Variants in HCLS1 observed in about 807,000 individuals in gnomAD.
HCLS1 encodes the protein hematopoietic lineage cell-specific protein.
Under a neutral mutation model 68.6 loss-of-function variants are expected in HCLS1, and 44 were observed. The observed-to-expected ratio is 0.64, with a 90% CI of 0.50 to 0.82. The LOEUF (loss-of-function observed/expected upper bound fraction) is 0.82, where lower values mean the gene tolerates loss of function less well. Among genes scored for constraint, HCLS1 ranks in the 40% least tolerant of loss-of-function variants. The pLI, the probability that HCLS1 is intolerant of heterozygous loss-of-function variation, is 0.00. For missense variants in HCLS1, 602 were observed against 612.1 expected, an observed-to-expected ratio of 0.98 and a Z score of 0.17; for synonymous variants, 217 against 225.8, an observed-to-expected ratio of 0.96 and a Z score of 0.35.
chr3:121,634,337 G>A lies in HCLS1; in HGVS notation c.773C>T (p.Ala258Val), dbSNP rs1382291106. ...EKRKREEEEKAQQVARRQQER... is the reference protein window; with the variant it reads ...EKRKREEEEKVQQVARRQQER... ...CTGTTGCCTCCTGGCCACCTGCTGT[G>A]CCTTCTCCTCTTCCTCTCGCTTCCT... Residue 258 changes from alanine to valine, a missense_variant, in exon 10 of 14, where the codon GCA becomes GTA. Coordinates refer to ENST00000314583, the MANE Select transcript of HCLS1 (RefSeq NM_005335.6). 3 of 1,614,060 alleles carry A rather than the reference G, an allele frequency of 1.9e-6. No homozygotes were observed. Among genetic ancestry groups the A allele is most frequent in the South Asian group, 2.2e-5 (2 of 91,076 alleles).
Position 121,639,976 on chromosome 3 carries a change from A to G in HCLS1, c.455-2720T>C, listed in dbSNP as rs895619542. 3.3e-5 allele frequency among the ~76,000 whole-genome samples: 5 copies of G among 152,336 alleles called. No homozygotes were observed. The East Asian group carries it at 9.6e-4, about 29-fold the overall frequency. ...TAATAGAGAAAATTAGCAAAGCCAAAAGCTTGTTCTTTGGAAAGAGTAATA... is the reference window on the plus strand; with the variant it reads ...TAATAGAGAAAATTAGCAAAGCCAAGAGCTTGTTCTTTGGAAAGAGTAATA... On this transcript the variant is annotated intron_variant, in intron 6 of 13. Transcript: ENST00000314583.
chr3:121,639,010 AACACACACACACACGCACAC>A (rs1203394733), intron 6 of HCLS1, among the ~76,000 whole-genome samples: 3 of 149,286 alleles, frequency 2.0e-5, no homozygotes, highest in African/African-American at 7.4e-5. Context: ...GCAAGACTCC[AACACACACACACACGCACAC>A]ACACACACAC....
At chr3:121,632,994 ACC>A (rs2049114525) in intron 11 of HCLS1, 71 bp downstream of exon 11, 1 of 1,054,388 alleles carries the variant, frequency 9.5e-7, no homozygotes, top group South Asian at 1.4e-5. Flanking sequence ...ATGGTTGGCC[ACC>A]CTGCACAGCC....
chr3:121,643,302 T>A (rs2049217833), intron 5 of HCLS1: 1 of 220,964 alleles, frequency 4.5e-6, no homozygotes, highest in South Asian at 9.0e-5. Flanking sequence ...CTTATCTACC[T>A]CGACTGTAAA....
In HCLS1 at chr3:121,637,281, G is replaced by A. The variant is rs767446803; in HGVS notation, c.455-25C>T. 9.2e-6 allele frequency: 14 copies of A among 1,515,290 alleles called. No individual in the cohort carries two copies. In the South Asian group the frequency reaches 1.5e-4, roughly 16 times the overall value. 93.9% of individuals were successfully genotyped at this position (1,515,290 alleles called of 1,614,324 possible). A position where few individuals can be genotyped will look rare whatever the true frequency, so the allele number is the denominator to read the frequency against. On this transcript the variant is annotated intron_variant, in intron 6 of 13. Transcript: ENST00000314583. ...TCTGTGGTCGAAGGAGCAGTCATGA[G>A]AGCCCACCCTTAGGCTCCAGCACAC...
At position 121,636,340 on chromosome 3, in the gene HCLS1, C is replaced by T. The variant is rs1305482562; in HGVS notation, c.621+94G>A. The T allele has an allele frequency of 3.0e-6, 3 of 1,001,566 alleles. No homozygotes were observed. In the South Asian group the frequency reaches 3.9e-5, roughly 13 times the overall value. The allele number at this position is 1,001,566 out of a possible 1,614,324, so 62.0% of individuals were successfully genotyped here. A position where few individuals can be genotyped will look rare whatever the true frequency, so the allele number is the denominator to read the frequency against. ...GGCTCTGTGTGCCCAGCACCACCGT[C>T]CCCTCCCTCTCCCAGCCTTCTTCAC... On this transcript the variant is annotated intron_variant, in intron 8 of 13. Coordinates refer to ENST00000314583, the MANE Select transcript of HCLS1 (RefSeq NM_005335.6).
intron 6 of HCLS1, among the ~76,000 whole-genome samples, chr3:121,639,530 T>TTGTTG (rs1560139253): frequency 1.5e-4 from 23 of 151,226 alleles, no homozygotes; most frequent in African/African-American, 5.4e-4. Flanking sequence ...GATTTTATTT[T>TTGTTG]TTGTTGTTGT....
chr3:121,633,213 C>T, intron 10 of HCLS1, 42 bp from the exon 11 acceptor site: 1 of 1,252,954 alleles, frequency 8.0e-7, no homozygotes, highest in Non-Finnish European at 1.1e-6. Context: ...AAGCCTCCAT[C>T]TTCACTCCTT....
At position 121,644,897 on chromosome 3, in the gene HCLS1, A is replaced by T. The variant is rs771213997; in HGVS notation, c.320T>A (p.Val107Glu). ...ATCCGTCTGAGAAGAGTGCTTCTCC[A>T]CCTCGGCAACATACTCATGGCCCAC... is the stretch of plus-strand genomic sequence containing the variant. Reference protein sequence around the residue: ...SAVGHEYVAEVEKHSSQTDAA... With the variant: ...SAVGHEYVAEEEKHSSQTDAA... Residue 107 changes from valine to glutamate, a missense_variant, in exon 5 of 14, where the codon GTG (valine) becomes GAG (glutamate). Val to Glu is a moderately radical substitution (Grantham distance 121). Transcript: ENST00000314583. 1 of 1,614,000 alleles carries T rather than the reference A, an allele frequency of 6.2e-7. No individual in the cohort carries two copies. The highest frequency in any genetic ancestry group is 2.2e-5 in the East Asian group (1 of 44,878).
At chr3:121,649,040 T>C (rs1253690520) in intron 3 of HCLS1, among the ~76,000 whole-genome samples, 1 of 152,204 alleles carries the variant, frequency 6.6e-6, no homozygotes, top group East Asian at 1.9e-4. Context: ...AATTGTTAAA[T>C]GGGTTATAAC....
chr3:121,632,808 G>C (rs1037264799), intron 11 of HCLS1, among the ~76,000 whole-genome samples: 1 of 152,038 alleles, frequency 6.6e-6, no homozygotes, highest in Non-Finnish European at 1.5e-5. Flanking sequence ...TGTGAGGGGA[G>C]GGAAGTAGAA....
chr3:121,646,387 T>TA (rs377471422), intron 4 of HCLS1, among the ~76,000 whole-genome samples: 2 of 49,362 alleles, frequency 4.1e-5, no homozygotes, highest in Admixed American at 9.9e-4. Flanking sequence ...CTATGTAATA[T>TA]ATTACTATGT....
intron 3 of HCLS1, among the ~76,000 whole-genome samples, chr3:121,648,507 C>T (rs1484165868): frequency 6.6e-6 from 1 of 152,064 alleles, no homozygotes; most frequent in African/African-American, 2.4e-5. Flanking sequence ...GGCAAGAGAA[C>T]CCTAAATAAG....
intron 4 of HCLS1, among the ~76,000 whole-genome samples, chr3:121,645,999 A>G (rs1032333464): frequency 3.0e-5 from 4 of 134,520 alleles, no homozygotes; most frequent in African/African-American, 1.1e-4. Context: ...ATATATATTT[A>G]TAAATATATT....
intron 1 of HCLS1, among the ~76,000 whole-genome samples, chr3:121,659,093 A>C (rs980892806): frequency 6.6e-6 from 1 of 152,278 alleles, no homozygotes; most frequent in Non-Finnish European, 1.5e-5. Flanking sequence ...GTAGAAAAGA[A>C]AAAAGAATAA....
intron 8 of HCLS1, 122 bp from the exon 9 acceptor site, chr3:121,635,926 G>A (rs1251679650): frequency 1.4e-6 from 1 of 731,478 alleles, no homozygotes. Context: ...ATGCTCAACA[G>A]CTGGACAGCA....
chr3:121,647,365 T>G lies in HCLS1; in HGVS notation c.242A>C (p.His81Pro), dbSNP rs937273635. The G allele has an allele frequency of 6.2e-7, 1 of 1,613,928 alleles. No homozygotes were observed. The highest frequency in any genetic ancestry group is 1.7e-5 in the Admixed American group (1 of 60,004). ...TACTCCAAACCGACCTCCATAGCCA[T>G]GGGATGCTTTGGGCCCTGACTCCAT... is the stretch of plus-strand genomic sequence containing the variant. Reference protein sequence around the residue: ...KEMESGPKASHGYGGRFGVER... With the variant: ...KEMESGPKASPGYGGRFGVER... Residue 81 changes from histidine to proline, a missense_variant, in exon 4 of 14, where the codon CAT (histidine) becomes CCT (proline). By Grantham distance (77) the His-to-Pro change is moderately conservative. Transcript: ENST00000314583.
chr3:121,654,310 T>C (rs1937815955), intron 3 of HCLS1: 1 of 152,240 alleles, frequency 6.6e-6, no homozygotes, highest in Non-Finnish European at 1.5e-5. Flanking sequence ...ATCGTGATTT[T>C]ATATCTGTTG....
intron 5 of HCLS1, chr3:121,644,575 A>G: frequency 3.2e-6 from 2 of 627,766 alleles, no homozygotes; most frequent in South Asian, 1.5e-5. Context: ...GGAATTATTC[A>G]TTCAAACACA....
Sources: allele counts gnomAD v4.1 joint callset (sites outside exome capture counted in the v4.1 genomes callset), GRCh38; gene constraint gnomAD v4.1.1; transcripts MANE v1.5; gene names NCBI Gene and HGNC (gene_info 2026-07-23, HGNC 2026-07-21).